IRAG1: variants seen among roughly 807,000 people sequenced by gnomAD.
IRAG1 encodes IP3R-associated cGMP kinase substrate.
IRAG1 carries 62 observed loss-of-function variants against 106.2 expected under a neutral mutation model. That is an observed-to-expected ratio of 0.58 (90% CI 0.48 to 0.72). IRAG1 has a LOEUF of 0.72. Among genes scored for constraint, IRAG1 ranks in the 30% least tolerant of loss-of-function variants. The pLI, the probability that IRAG1 is intolerant of heterozygous loss-of-function variation, is 0.00. For missense variants in IRAG1, 1,064 were observed against 1,140.7 expected, an observed-to-expected ratio of 0.93 and a Z score of 0.97; for synonymous variants, 462 against 443.9, an observed-to-expected ratio of 1.04 and a Z score of -0.51.
At chr11:10,592,184 G>A (rs1005305546) in intron 17 of IRAG1, among the ~76,000 whole-genome samples, 1 of 152,146 alleles carries the variant, frequency 6.6e-6, no homozygotes, top group African/African-American at 2.4e-5. Context: ...GAATCACCTG[G>A]GGGAGGTTTT....
intron 10 of IRAG1, among the ~76,000 whole-genome samples, chr11:10,616,219 G>A (rs890962221): frequency 6.1e-4 from 92 of 151,364 alleles, no homozygotes; most frequent in Admixed American, 1.1e-3. Context: ...CGTGAATCCG[G>A]GAGGTGGAGC....
At chr11:10,655,799 T>C (rs1164789062) in intron 1 of IRAG1, among the ~76,000 whole-genome samples, 2 of 152,210 alleles carry the variant, frequency 1.3e-5, no homozygotes, top group Non-Finnish European at 2.9e-5. Flanking sequence ...CAAAAAGAGC[T>C]TAAGTCAGTC....
chr11:10,586,494 T>C (rs148097121), intron 18 of IRAG1, among the ~76,000 whole-genome samples: 2,016 of 150,922 alleles, frequency 0.013, 53 homozygotes, highest in African/African-American at 0.047. Context: ...CTGGGCACAC[T>C]GCAACCTCCA....
At chr11:10,607,006 C>T (rs939807845) in intron 11 of IRAG1, among the ~76,000 whole-genome samples, 1 of 152,154 alleles carries the variant, frequency 6.6e-6, no homozygotes, top group Admixed American at 6.5e-5. Flanking sequence ...CTCTAAGCCC[C>T]AGCGTGCTCA....
At chr11:10,629,775 C>A in intron 4 of IRAG1, 64 bp from the exon 5 acceptor site, 1 of 1,501,694 alleles carries the variant, frequency 6.7e-7, no homozygotes, top group Non-Finnish European at 9.0e-7. Context: ...TGAGGTCATG[C>A]CATACCATGC....
rs1343730544 is a variant in IRAG1 at position 10,593,555 on chromosome 11, A to C, written c.2112T>G (p.Phe704Leu). The C allele has an allele frequency of 6.2e-7, 1 of 1,613,868 alleles. No homozygotes were observed. The highest frequency in any genetic ancestry group is 8.5e-7 in the Non-Finnish European group (1 of 1,179,790). Residue 704 changes from phenylalanine (F) to leucine (L), a missense_variant, in exon 17 of 21, where the codon TTT (phenylalanine) becomes TTG (leucine). Physicochemically the swap from Phe to Leu is conservative, Grantham distance 22. Transcript: ENST00000423302. ...TTTGGCCAGGCAGATTCAGGGCATT[A>C]AACTTAGGAACCACAGCAACGCTGA... Reference protein sequence around the residue: ...RRVSVAVVPKFNALNLPGQTP... With the variant: ...RRVSVAVVPKLNALNLPGQTP...
intron 2 of IRAG1, among the ~76,000 whole-genome samples, chr11:10,645,910 A>G (rs572249965): frequency 3.0e-4 from 45 of 152,322 alleles, no homozygotes; most frequent in Non-Finnish European, 5.3e-4. Context: ...CAAGCCTAAT[A>G]TGGTACCTGG....
At chr11:10,684,602 TATAATAATAATA>T (rs72177457) in intron 1 of IRAG1, among the ~76,000 whole-genome samples, 4,840 of 138,896 alleles carry the variant, frequency 0.035, 276 homozygotes, top group African/African-American at 0.12. Flanking sequence ...AAACTTAAAG[TATAATAATAATA>T]ATAATAATAA....
At chr11:10,633,354 C>G (rs1013512728) in intron 3 of IRAG1, among the ~76,000 whole-genome samples, 3 of 152,168 alleles carry the variant, frequency 2.0e-5, no homozygotes, top group African/African-American at 7.2e-5. Context: ...GGATTACAGG[C>G]ATGAGCCACT....
In IRAG1 at chr11:10,575,858, A is replaced by G. The variant is rs1404775359; in HGVS notation, c.*474T>C. On this transcript the variant is annotated 3_prime_UTR_variant, in exon 21 of 21. Coordinates refer to ENST00000423302, the MANE Select transcript of IRAG1 (RefSeq NM_130385.4). ...AAAATGAGATGGGAAATGGGAAGATAGTCACTTTGCAACTCCAAATTCCAG... is the reference window on the plus strand; with the variant it reads ...AAAATGAGATGGGAAATGGGAAGATGGTCACTTTGCAACTCCAAATTCCAG... 6.4e-6 allele frequency: 1 copy of G among 156,880 alleles called. No individual in the cohort carries two copies. The highest frequency in any genetic ancestry group is 2.4e-5 in the African/African-American group (1 of 41,566). 9.7% of individuals were successfully genotyped at this position (156,880 alleles called of 1,614,324 possible).
At chr11:10,663,631 T>C (rs779559150) in intron 1 of IRAG1, among the ~76,000 whole-genome samples, 1 of 152,198 alleles carries the variant, frequency 6.6e-6, no homozygotes, top group Non-Finnish European at 1.5e-5. Flanking sequence ...TGTGTGGCTA[T>C]CCCAATCTGC....
At position 10,574,618 on chromosome 11, in the gene IRAG1, G is replaced by A. The variant is rs996481628; in HGVS notation, c.*1714C>T. On this transcript the variant is annotated 3_prime_UTR_variant, in exon 21 of 21. Coordinates refer to ENST00000423302, the MANE Select transcript of IRAG1 (RefSeq NM_130385.4). Reference sequence around the variant, plus strand: ...TATGGAGGGGATAATTTTTGCACTCGGTCGAGAAGAGTGACCTGAAGAAAA... The same window carrying A: ...TATGGAGGGGATAATTTTTGCACTCAGTCGAGAAGAGTGACCTGAAGAAAA... 1 of 152,152 alleles carries A rather than the reference G, an allele frequency of 6.6e-6. No individual in the cohort carries two copies. Among genetic ancestry groups the A allele is most frequent in the African/African-American group, 2.4e-5 (1 of 41,420 alleles). 9.4% of individuals were successfully genotyped at this position (152,152 alleles called of 1,614,324 possible).
At chr11:10,683,526 C>A (rs1861431247) in intron 1 of IRAG1, among the ~76,000 whole-genome samples, 1 of 152,192 alleles carries the variant, frequency 6.6e-6, no homozygotes, top group Non-Finnish European at 1.5e-5. Flanking sequence ...TGGTTTTCCT[C>A]TGCCCTCCTT....
chr11:10,603,381 G>T, intron 13 of IRAG1, 130 bp from the exon 14 acceptor site: 1 of 1,020,678 alleles, frequency 9.8e-7, no homozygotes, highest in Non-Finnish European at 1.4e-6. Context: ...TGGGGGCGAT[G>T]GTTTGGGGAT....
At chr11:10,594,480 G>A (rs778746491) in intron 15 of IRAG1, among the ~76,000 whole-genome samples, 9 of 152,102 alleles carry the variant, frequency 5.9e-5, no homozygotes, top group Non-Finnish European at 1.2e-4. Context: ...AACACGCTCT[G>A]CATAACACCC....
At chr11:10,616,324 T>C (rs1341742298) in intron 10 of IRAG1, among the ~76,000 whole-genome samples, 1 of 151,442 alleles carries the variant, frequency 6.6e-6, no homozygotes, top group African/African-American at 2.4e-5. Context: ...CACTTTTACA[T>C]ATATGTCTAT....
intron 14 of IRAG1, among the ~76,000 whole-genome samples, chr11:10,602,169 G>A (rs1002501392): frequency 6.6e-6 from 1 of 152,204 alleles, no homozygotes; most frequent in African/African-American, 2.4e-5. Context: ...TGAGTCAGAT[G>A]TCCTTGTCCT....
intron 1 of IRAG1, among the ~76,000 whole-genome samples, chr11:10,672,136 G>A (rs1027541292): frequency 2.1e-4 from 32 of 152,150 alleles, no homozygotes; most frequent in African/African-American, 4.1e-4. Context: ...CTGGAACAAC[G>A]GGATAACCAC....
chr11:10,648,865 G>T (rs1366008324), intron 2 of IRAG1, among the ~76,000 whole-genome samples: 2 of 152,188 alleles, frequency 1.3e-5, no homozygotes, highest in East Asian at 3.8e-4. Flanking sequence ...TAGTCCTACA[G>T]ATTTTGTGTT....
Sources: gnomAD v4.1 joint callset for allele counts (sites outside exome capture counted in the v4.1 genomes callset) on GRCh38, gnomAD v4.1.1 for gene constraint, MANE v1.5 for transcripts, NCBI Gene and HGNC (gene_info 2026-07-23, HGNC 2026-07-21) for gene names.